The following MVB12B variants were observed in gnomAD, a reference collection of about 807,000 sequenced individuals.
MVB12B encodes the protein multivesicular body subunit 12B.
A neutral mutation model predicts 41.6 loss-of-function variants in MVB12B; 16 were observed. The ratio of observed to expected loss-of-function variants is 0.38; its 90% confidence interval spans 0.26 to 0.58. The LOEUF is 0.58. Among genes scored for constraint, MVB12B ranks in the 20% least tolerant of loss-of-function variants. The pLI is 0.62. For synonymous variants in MVB12B, 133 were observed against 139.7 expected, an observed-to-expected ratio of 0.95 and a Z score of 0.34; for missense variants, 274 against 380.2, an observed-to-expected ratio of 0.72 and a Z score of 2.32.
Position 126,376,914 on chromosome 9 carries a change from C to T in MVB12B, c.205-4150C>T, listed in dbSNP as rs1005579358. ...AGCCCTAAACTTGCACTTGCTCCCC[C>T]GCCCCCACCCCAATGGTGTCTGGTG... On this transcript the variant is annotated intron_variant, in intron 2 of 9. Transcript: ENST00000361171. This position sits in a 1 kb window ranked among gnomAD's most constrained non-coding sequence, Gnocchi z 4.1. 2.6e-5 allele frequency among the ~76,000 whole-genome samples: 4 copies of T among 151,970 alleles called. No individual in the cohort carries two copies. Among genetic ancestry groups the T allele is most frequent in the Non-Finnish European group, 2.9e-5 (2 of 67,994 alleles).
At chr9:126,347,652 G>A (rs1300020384) in intron 2 of MVB12B, among the ~76,000 whole-genome samples, 2 of 152,158 alleles carry the variant, frequency 1.3e-5, no homozygotes, top group South Asian at 2.1e-4. Flanking sequence ...ACTTACTAAA[G>A]TAAGAGAAGG....
At chr9:126,385,503 A>G (rs2118977796) in intron 3 of MVB12B, among the ~76,000 whole-genome samples, 1 of 152,326 alleles carries the variant, frequency 6.6e-6, no homozygotes, top group South Asian at 2.1e-4. Flanking sequence ...TCTAAGCAAG[A>G]TGGAACAACA....
intron 5 of MVB12B, among the ~76,000 whole-genome samples, chr9:126,394,844 C>A (rs1261962503): frequency 6.6e-6 from 1 of 152,198 alleles, no homozygotes; most frequent in Non-Finnish European, 1.5e-5. Context: ...AGATGCAGTT[C>A]TGTGGGCAAC....
At chr9:126,499,475 G>A (rs1244502356) in intron 9 of MVB12B, among the ~76,000 whole-genome samples, 5 of 152,194 alleles carry the variant, frequency 3.3e-5, no homozygotes, top group African/African-American at 1.2e-4. Flanking sequence ...CGCAAGTGCA[G>A]GTTTTCCTTA....
At position 126,367,540 on chromosome 9, in the gene MVB12B, T is replaced by C. The variant is rs1203271394; in HGVS notation, c.205-13524T>C. Among the ~76,000 whole-genome samples the C allele has an allele frequency of 2.6e-5, 4 of 152,174 alleles. No homozygotes were observed. Among genetic ancestry groups the C allele is most frequent in the African/African-American group, 4.8e-5 (2 of 41,448 alleles). ...GCATCCCACCTGAAGATGCCTTTGGTTCTGTTTATCCTCCCAGCAGCCTGC... is the reference window on the plus strand; with the variant it reads ...GCATCCCACCTGAAGATGCCTTTGGCTCTGTTTATCCTCCCAGCAGCCTGC... On this transcript the variant is annotated intron_variant, in intron 2 of 9. Coordinates refer to ENST00000361171, the MANE Select transcript of MVB12B (RefSeq NM_033446.3). The surrounding 1 kb of genome is among the most constrained non-coding windows in gnomAD (Gnocchi z 4.3).
chr9:126,432,947 T>A (rs974505220), intron 7 of MVB12B, among the ~76,000 whole-genome samples: 2 of 152,136 alleles, frequency 1.3e-5, no homozygotes, highest in Admixed American at 1.3e-4. Flanking sequence ...TGGATGATCA[T>A]CTCTGGGACC....
intron 7 of MVB12B, among the ~76,000 whole-genome samples, chr9:126,438,403 C>CA (rs58706231): frequency 0.26 from 37,184 of 144,842 alleles, 4,716 homozygotes; most frequent in South Asian, 0.28. Context: ...GTAAAGTATC[C>CA]AAAAAAAAAA....
chr9:126,337,136 A>C (rs973087321), intron 1 of MVB12B, among the ~76,000 whole-genome samples: 30 of 152,180 alleles, frequency 2.0e-4, no homozygotes, highest in African/African-American at 7.2e-4. Context: ...TCGCAGCCAC[A>C]GCTGGGATGG....
intron 6 of MVB12B, among the ~76,000 whole-genome samples, chr9:126,420,882 C>T (rs1222489384): frequency 6.6e-6 from 1 of 152,088 alleles, no homozygotes; most frequent in Non-Finnish European, 1.5e-5. Context: ...TTCTAGGTCA[C>T]ACATGTGCTG....
chr9:126,340,589 G>A lies in MVB12B; in HGVS notation c.163G>A (p.Val55Met). The A allele has an allele frequency of 6.2e-7, 1 of 1,614,228 alleles. No homozygotes were observed. Residue 55 changes from valine to methionine, a missense_variant, in exon 2 of 10, where the codon GTG (valine) becomes ATG (methionine). Coordinates refer to ENST00000361171, the MANE Select transcript of MVB12B (RefSeq NM_033446.3). The surrounding 1 kb of genome is among the most constrained non-coding windows in gnomAD (Gnocchi z 4.0). Reference protein sequence around the residue: ...TSMDPITGVGVVASRNRAPTG... With the variant: ...TSMDPITGVGMVASRNRAPTG... ...AATGGATCCCATCACGGGAGTCGGGGTGGTGGCTTCTCGGAACCGAGCCCC... is the reference window on the plus strand; with the variant it reads ...AATGGATCCCATCACGGGAGTCGGGATGGTGGCTTCTCGGAACCGAGCCCC...
chr9:126,500,660 A>C (rs1036928993), intron 9 of MVB12B, among the ~76,000 whole-genome samples: 1 of 152,212 alleles, frequency 6.6e-6, no homozygotes, highest in Admixed American at 6.5e-5. Flanking sequence ...AGCCTGCTGC[A>C]TGTTCTCTCC....
intron 1 of MVB12B, among the ~76,000 whole-genome samples, chr9:126,327,888 A>T (rs182654381): frequency 5.9e-5 from 9 of 152,096 alleles, no homozygotes; most frequent in African/African-American, 2.2e-4. Context: ...TCCTGCCCCC[A>T]CCCAAGAACC....
intron 7 of MVB12B, among the ~76,000 whole-genome samples, chr9:126,467,381 C>T (rs2052158): frequency 0.13 from 19,743 of 152,200 alleles, 1,804 homozygotes; most frequent in East Asian, 0.44. Flanking sequence ...GCTGGTGTGA[C>T]CCAGTACTGG....
At chr9:126,372,882 G>A (rs1041434143) in intron 2 of MVB12B, among the ~76,000 whole-genome samples, 4 of 152,164 alleles carry the variant, frequency 2.6e-5, no homozygotes, top group Non-Finnish European at 4.4e-5. Flanking sequence ...AGACAGATGC[G>A]AGAGGGAGCA....
chr9:126,371,354 G>T (rs1041571503), intron 2 of MVB12B, among the ~76,000 whole-genome samples: 6 of 152,266 alleles, frequency 3.9e-5, no homozygotes, highest in Admixed American at 2.6e-4. Flanking sequence ...ATGCGGCCAG[G>T]TGCCCTGCCT....
chr9:126,349,574 G>T (rs868444823), intron 2 of MVB12B, among the ~76,000 whole-genome samples: 97 of 152,058 alleles, frequency 6.4e-4, no homozygotes, highest in African/African-American at 2.2e-3. Flanking sequence ...GGCATTTGAA[G>T]AATCTTATAT....
chr9:126,407,596 C>T (rs1831482462), intron 6 of MVB12B, among the ~76,000 whole-genome samples: 1 of 152,256 alleles, frequency 6.6e-6, no homozygotes, highest in East Asian at 1.9e-4. Context: ...GCAGTGCCCC[C>T]ACACTGACAG....
intron 7 of MVB12B, among the ~76,000 whole-genome samples, chr9:126,442,756 G>C (rs1443729431): frequency 2.6e-5 from 4 of 152,120 alleles, no homozygotes; most frequent in Non-Finnish European, 4.4e-5. Context: ...GGCTCTTAAA[G>C]CTTCTGGCCA....
intron 7 of MVB12B, among the ~76,000 whole-genome samples, chr9:126,474,205 C>T (rs972062430): frequency 1.3e-5 from 2 of 152,184 alleles, no homozygotes; most frequent in Non-Finnish European, 2.9e-5. Context: ...CCCAGCTCTG[C>T]CTCCATCCAG....
Sources: allele counts gnomAD v4.1 joint callset (sites outside exome capture counted in the v4.1 genomes callset), GRCh38; gene constraint gnomAD v4.1.1; non-coding constraint Gnocchi (gnomAD v3.1); transcripts MANE v1.5; gene names NCBI Gene and HGNC (gene_info 2026-07-23, HGNC 2026-07-21).